The following ESRRG variants were observed in gnomAD, a reference collection of about 807,000 sequenced individuals.
ESRRG encodes the protein estrogen-related receptor gamma.
A neutral mutation model predicts 44.0 loss-of-function variants in ESRRG; 13 were observed. The observed-to-expected ratio is 0.30, with a 90% CI of 0.19 to 0.47. The LOEUF (loss-of-function observed/expected upper bound fraction) is 0.47. Among genes scored for constraint, ESRRG ranks in the 20% least tolerant of loss-of-function variants. The pLI is 1.00. For missense variants in ESRRG, 395 were observed against 580.6 expected (o/e 0.68, Z 3.29); for synonymous variants, 215 against 214.6 (o/e 1.00, Z -0.02).
intron 2 of ESRRG, among the ~76,000 whole-genome samples, chr1:216,935,508 G>C (rs2149875665): frequency 6.6e-6 from 1 of 152,274 alleles, no homozygotes; most frequent in East Asian, 1.9e-4. Context: ...TATATGGGAA[G>C]GGGCACGGGG....
intron 2 of ESRRG, among the ~76,000 whole-genome samples, chr1:216,898,623 A>G (rs1284646051): frequency 6.6e-6 from 1 of 152,168 alleles, no homozygotes; most frequent in Non-Finnish European, 1.5e-5. Context: ...GTCTCAAAAA[A>G]TAAATAAATT....
chr1:216,863,903 C>G (rs1311787131), intron 2 of ESRRG: 1 of 152,148 alleles, frequency 6.6e-6, no homozygotes, highest in Admixed American at 6.5e-5. Context: ...CCATCTTGCA[C>G]TAAATCATTT....
intron 1 of ESRRG, among the ~76,000 whole-genome samples, chr1:216,683,310 AT>A (rs1438526974): frequency 3.9e-5 from 6 of 152,250 alleles, no homozygotes; most frequent in Non-Finnish European, 8.8e-5. Context: ...TGGACAACTT[AT>A]GCACACATAC....
In ESRRG at chr1:216,546,854, G is replaced by A. The variant is rs141282541; in HGVS notation, c.862+17365C>T. ...ATGTTCTGGGATACATGTGCAGAAC[G>A]TGCAGATTTGTTATATAGGTATACA... On this transcript the variant is annotated intron_variant, in intron 5 of 6. Transcript: ENST00000408911. 5.1e-3 allele frequency among the ~76,000 whole-genome samples: 769 copies of A among 151,734 alleles called. 7 individuals carry two copies. Among genetic ancestry groups the A allele is most frequent in the African/African-American group, 0.018 (741 of 41,384 alleles).
chr1:216,885,548 A>AT (rs35507835), intron 2 of ESRRG, among the ~76,000 whole-genome samples: 1,806 of 143,772 alleles, frequency 0.013, 41 homozygotes, highest in African/African-American at 0.044. Context: ...TTCTCCCACT[A>AT]TTTTTTTTTT....
At chr1:217,027,675 A>G (rs1033631135) in intron 1 of ESRRG, among the ~76,000 whole-genome samples, 2 of 152,190 alleles carry the variant, frequency 1.3e-5, no homozygotes, top group Non-Finnish European at 2.9e-5. Flanking sequence ...AGCAATCATC[A>G]GCCTACCATG....
chr1:217,058,668 C>T (rs988063180), intron 1 of ESRRG, among the ~76,000 whole-genome samples: 1 of 151,876 alleles, frequency 6.6e-6, no homozygotes, highest in African/African-American at 2.4e-5. Context: ...TAGTATTGTC[C>T]TCCTGAGATT....
intron 5 of ESRRG, among the ~76,000 whole-genome samples, chr1:216,551,121 T>C (rs1040839538): frequency 6.6e-6 from 1 of 152,134 alleles, no homozygotes; most frequent in Non-Finnish European, 1.5e-5. Flanking sequence ...AGAACAACAG[T>C]CTTGAAATAA....
chr1:216,712,393 T>C (rs913540287), intron 1 of ESRRG, among the ~76,000 whole-genome samples: 3 of 152,220 alleles, frequency 2.0e-5, no homozygotes, highest in Non-Finnish European at 4.4e-5. Context: ...GATAATTTTT[T>C]TTCCAGCGAC....
chr1:217,028,766 C>A (rs2081583797), intron 1 of ESRRG, among the ~76,000 whole-genome samples: 2 of 152,204 alleles, frequency 1.3e-5, no homozygotes, highest in South Asian at 4.1e-4. Context: ...ACATGGGCAT[C>A]TGGCACCAAC....
intron 1 of ESRRG, among the ~76,000 whole-genome samples, chr1:216,680,623 A>G (rs12130279): frequency 0.21 from 32,016 of 152,142 alleles, 3,656 homozygotes; most frequent in Middle Eastern, 0.28. Context: ...GTGCAGTGAC[A>G]CCTAAACAGA....
chr1:216,583,865 G>T (rs1431607295), intron 3 of ESRRG, among the ~76,000 whole-genome samples: 1 of 152,122 alleles, frequency 6.6e-6, no homozygotes, highest in East Asian at 1.9e-4. Flanking sequence ...TTGTGCAGGG[G>T]AACTCCTCTT....
chr1:216,866,240 C>G (rs2096154935), intron 2 of ESRRG, among the ~76,000 whole-genome samples: 1 of 152,144 alleles, frequency 6.6e-6, no homozygotes, highest in Non-Finnish European at 1.5e-5. Context: ...TACATACATA[C>G]ACACATTTTA....
chr1:217,045,154 T>C (rs1378108655), intron 1 of ESRRG, among the ~76,000 whole-genome samples: 1 of 152,216 alleles, frequency 6.6e-6, no homozygotes, highest in Non-Finnish European at 1.5e-5. Flanking sequence ...AGGGCTTTAT[T>C]TGCAAATGCA....
intron 3 of ESRRG, among the ~76,000 whole-genome samples, chr1:216,577,133 A>T (rs769667207): frequency 6.6e-6 from 1 of 152,058 alleles, no homozygotes; most frequent in South Asian, 2.1e-4. Flanking sequence ...CTCCTATTCA[A>T]AAGGCACTAT....
chr1:216,932,813 C>G (rs2063561129), intron 2 of ESRRG, among the ~76,000 whole-genome samples: 1 of 150,052 alleles, frequency 6.7e-6, no homozygotes, highest in Non-Finnish European at 1.5e-5. Flanking sequence ...AGCAATCCTC[C>G]CACTTTGGCC....
At chr1:216,739,629 T>C (rs1000433408) in intron 2 of ESRRG, among the ~76,000 whole-genome samples, 1 of 152,178 alleles carries the variant, frequency 6.6e-6, no homozygotes, top group Non-Finnish European at 1.5e-5. Flanking sequence ...GATTCAGCAA[T>C]CTGTGCTTTA....
chr1:217,062,870 A>C (rs193182833), intron 1 of ESRRG, among the ~76,000 whole-genome samples: 17 of 152,352 alleles, frequency 1.1e-4, no homozygotes, highest in African/African-American at 4.1e-4. Flanking sequence ...ATTCTGGTGA[A>C]GATGGCAATA....
intron 1 of ESRRG, among the ~76,000 whole-genome samples, chr1:217,033,561 G>A (rs2082386403): frequency 6.6e-6 from 1 of 152,074 alleles, no homozygotes; most frequent in Non-Finnish European, 1.5e-5. Context: ...ATCAGATTGT[G>A]GTGATGGTTA....
Sources: gnomAD v4.1 joint callset for allele counts (sites outside exome capture counted in the v4.1 genomes callset) on GRCh38, gnomAD v4.1.1 for gene constraint, MANE v1.5 for transcripts, NCBI Gene and HGNC (gene_info 2026-07-23, HGNC 2026-07-21) for gene names.